PDGFRL: variants seen among roughly 807,000 people sequenced by gnomAD.
PDGFRL encodes the protein platelet-derived growth factor receptor-like protein.
Under a neutral mutation model 37.2 loss-of-function variants are expected in PDGFRL, and 46 were observed. The observed-to-expected ratio is 1.24, with a 90% CI of 0.98 to 1.58. The LOEUF (loss-of-function observed/expected upper bound fraction) is 1.58, where lower values mean the gene tolerates loss of function less well. Among genes scored for constraint, PDGFRL ranks in the 40% most tolerant of loss-of-function variants. The pLI is 0.00. For synonymous variants in PDGFRL, 251 were observed against 184.3 expected (o/e 1.36, Z -2.93); for missense variants, 692 against 467.6 (o/e 1.48, Z -4.43).
chr8:17,642,084 G>C (rs1443734804), intron 5 of PDGFRL, among the ~76,000 whole-genome samples: 1 of 151,982 alleles, frequency 6.6e-6, no homozygotes, highest in Non-Finnish European at 1.5e-5. Flanking sequence ...ACCCATCCTT[G>C]GTACAACTTT....
chr8:17,596,998 A>T (rs1804067392), intron 2 of PDGFRL, among the ~76,000 whole-genome samples: 1 of 151,874 alleles, frequency 6.6e-6, no homozygotes, highest in Admixed American at 6.5e-5. Flanking sequence ...GTGTTCATCC[A>T]ACAAAGCCTT....
intron 5 of PDGFRL, 107 bp downstream of exon 5, chr8:17,634,320 C>A: frequency 1.2e-6 from 1 of 844,250 alleles, no homozygotes; most frequent in East Asian, 2.6e-5. Flanking sequence ...GCCATAACTT[C>A]AGAAGTGCAA....
intron 2 of PDGFRL, among the ~76,000 whole-genome samples, chr8:17,607,058 G>T (rs1368254875): frequency 4.6e-5 from 7 of 151,886 alleles, no homozygotes; most frequent in Non-Finnish European, 7.4e-5. Flanking sequence ...ACCATGCCCT[G>T]CTAATTTTTG....
chr8:17,642,355 G>C (rs1051075335), intron 5 of PDGFRL, among the ~76,000 whole-genome samples: 1 of 151,484 alleles, frequency 6.6e-6, no homozygotes, highest in Non-Finnish European at 1.5e-5. Context: ...TTTAGATTAA[G>C]TAAAACCTTA....
At position 17,628,645 on chromosome 8, in the gene PDGFRL, G is replaced by C; in HGVS notation, c.664G>C (p.Asp222His). The C allele has an allele frequency of 6.2e-7, 1 of 1,614,196 alleles. No individual in the cohort carries two copies. The highest frequency in any genetic ancestry group is 1.3e-5 in the African/African-American group (1 of 75,054). ...CAAGGAGATCCCAGCCAATGGAACGGACATTGTTTATGACATGAAGCGGGG... is the reference window on the plus strand; with the variant it reads ...CAAGGAGATCCCAGCCAATGGAACGCACATTGTTTATGACATGAAGCGGGG... ...PAKEIPANGTDIVYDMKRGFV... is the reference protein window; with the variant it reads ...PAKEIPANGTHIVYDMKRGFV... The change falls in exon 4 of 6, where the codon GAC (aspartate) becomes CAC (histidine). Residue 222 changes from aspartate to histidine, a missense_variant. Physicochemically the swap from Asp to His is moderately conservative, Grantham distance 81. Coordinates refer to ENST00000251630, the MANE Select transcript of PDGFRL (RefSeq NM_001372073.1).
intron 2 of PDGFRL, among the ~76,000 whole-genome samples, chr8:17,603,552 G>T (rs1268185172): frequency 1.3e-5 from 2 of 152,136 alleles, no homozygotes; most frequent in African/African-American, 2.4e-5. Context: ...AAATAGCAAA[G>T]GTACTGTTTC....
At chr8:17,601,004 G>T (rs770425015) in intron 2 of PDGFRL, among the ~76,000 whole-genome samples, 13 of 152,014 alleles carry the variant, frequency 8.6e-5, no homozygotes, top group Admixed American at 2.6e-4. Flanking sequence ...AACAAACTGA[G>T]CTCATGATCT....
upstream of PDGFRL, chr8:17,576,638 T>G (rs967136951): frequency 3.5e-6 from 3 of 855,274 alleles, no homozygotes; most frequent in African/African-American, 5.5e-5. Flanking sequence ...AGTCTCATTT[T>G]CCACGTTATT....
At chr8:17,604,700 C>T (rs753532319) in intron 2 of PDGFRL, among the ~76,000 whole-genome samples, 19 of 152,034 alleles carry the variant, frequency 1.2e-4, no homozygotes, top group Admixed American at 2.0e-4. Flanking sequence ...CAAACCTGCA[C>T]GTCATGCACA....
intron 3 of PDGFRL, among the ~76,000 whole-genome samples, chr8:17,627,561 C>T (rs1804758009): frequency 6.6e-6 from 1 of 151,538 alleles, no homozygotes; most frequent in Admixed American, 6.6e-5. Flanking sequence ...CTGCTGCCTC[C>T]TGGGTTCAAG....
intron 2 of PDGFRL, among the ~76,000 whole-genome samples, chr8:17,596,042 A>C (rs866294039): frequency 6.6e-6 from 1 of 151,886 alleles, no homozygotes; most frequent in Non-Finnish European, 1.5e-5. Flanking sequence ...GCCTCCACAG[A>C]CTCCGCCCTG....
intron 3 of PDGFRL, among the ~76,000 whole-genome samples, chr8:17,622,305 G>A (rs1271265278): frequency 2.6e-5 from 4 of 152,292 alleles, no homozygotes; most frequent in South Asian, 4.2e-4. Flanking sequence ...TCCTATTGTC[G>A]TCCAAGACAT....
At position 17,589,544 on chromosome 8, in the gene PDGFRL, G is replaced by A; in HGVS notation, c.132G>A (p.Lys44=). The A allele has an allele frequency of 1.9e-6, 3 of 1,613,704 alleles. No homozygotes were observed. The highest frequency in any genetic ancestry group is 1.7e-6 in the Non-Finnish European group (2 of 1,179,594). ...GENRIKPTNK[K]VKPKIPKMKD... ...ATAGAATCAAACCTACCAACAAGAA[G>A]GTGAAGCCCAAAATTCCTAAAATGA... The change falls in exon 2 of 6, where the codon AAG becomes AAA. Residue 44 remains lysine (K), a synonymous_variant. Transcript: ENST00000251630.
chr8:17,605,765 C>T lies in PDGFRL; in HGVS notation c.354-15286C>T, dbSNP rs138104450. 6.1e-3 allele frequency among the ~76,000 whole-genome samples: 926 copies of T among 152,348 alleles called. 6 individuals are homozygous for T. The highest frequency in any genetic ancestry group is 0.01 in the Middle Eastern group (3 of 294). On this transcript the variant is annotated intron_variant, in intron 2 of 5. Transcript: ENST00000251630. The stretch of plus-strand genomic sequence containing the variant: ...AAATAAGAGTCCAGGCATTGTCTTT[C>T]AGGATGTTTTTCTGGTATCTGGTCG...
chr8:17,628,248 C>G (rs936793978), intron 3 of PDGFRL, among the ~76,000 whole-genome samples: 6 of 151,968 alleles, frequency 3.9e-5, no homozygotes, highest in African/African-American at 1.2e-4. Context: ...CCCGCCTCAG[C>G]CTCCCAAAGT....
At chr8:17,624,411 T>G (rs1282090255) in intron 3 of PDGFRL, among the ~76,000 whole-genome samples, 2 of 152,198 alleles carry the variant, frequency 1.3e-5, no homozygotes. Context: ...TTTCCCTGCT[T>G]CTCTTTCACT....
upstream of PDGFRL, chr8:17,576,821 C>A: frequency 2.5e-6 from 1 of 401,656 alleles, no homozygotes. Flanking sequence ...GCACTTTTTA[C>A]AGAGCACTCA....
At chr8:17,601,088 C>T (rs931186723) in intron 2 of PDGFRL, among the ~76,000 whole-genome samples, 5 of 152,182 alleles carry the variant, frequency 3.3e-5, no homozygotes, top group African/African-American at 1.2e-4. Context: ...TTGCTCTTGA[C>T]CAGAGGCCCG....
rs1045911050 is a variant in PDGFRL at position 17,640,153 on chromosome 8, C to G, written c.940-2460C>G. Among the ~76,000 whole-genome samples the G allele has an allele frequency of 3.3e-5, 5 of 152,102 alleles. No individual in the cohort carries two copies. In the East Asian group the frequency reaches 7.7e-4, roughly 24 times the overall value. The stretch of plus-strand genomic sequence containing the variant: ...TATGATTGTTTTCTATTTTTGCTAT[C>G]TATTTCACTGAAGATTTTTCCCTTC... On this transcript the variant is annotated intron_variant, in intron 5 of 5. Transcript: ENST00000251630.
Sources: allele counts gnomAD v4.1 joint callset (sites outside exome capture counted in the v4.1 genomes callset), GRCh38; gene constraint gnomAD v4.1.1; transcripts MANE v1.5; gene names NCBI Gene and HGNC (gene_info 2026-07-23, HGNC 2026-07-21).